Variants in MAN1C1 observed in about 807,000 individuals in gnomAD.
MAN1C1 encodes the protein mannosyl-oligosaccharide 1,2-alpha-mannosidase IC.
MAN1C1 carries 49 observed loss-of-function variants against 71.5 expected under a neutral mutation model. The ratio of observed to expected loss-of-function variants is 0.69; its 90% CI spans 0.54 to 0.87. The LOEUF (loss-of-function observed/expected upper bound fraction) is 0.87. Ranked by LOEUF, MAN1C1 falls within the 40% of genes least tolerant of loss-of-function variation. The pLI, the probability that MAN1C1 is intolerant of heterozygous loss-of-function variation, is 0.00. For missense variants in MAN1C1, 743 were observed against 835.0 expected, an observed-to-expected ratio of 0.89 and a Z score of 1.36; for synonymous variants, 352 against 343.7, an observed-to-expected ratio of 1.02 and a Z score of -0.27.
rs181786397 is a variant in MAN1C1, at chr1:25,734,163, C to T, written c.638-12505C>T. Among the ~76,000 whole-genome samples the T allele has an allele frequency of 1.2e-3, 184 of 152,246 alleles. 2 individuals are homozygous for T. The highest frequency in any genetic ancestry group is 4.4e-3 in the African/African-American group (182 of 41,538). On this transcript the variant is annotated intron_variant, in intron 2 of 11. Transcript: ENST00000374332. ...TTTATTTTTGAGACAGAGTCTCTCT[C>T]TGTCACCCAGGCTGGAGTGCAGTAG...
intron 2 of MAN1C1, among the ~76,000 whole-genome samples, chr1:25,707,642 C>T (rs1459696770): frequency 6.6e-6 from 1 of 152,180 alleles, no homozygotes; most frequent in African/African-American, 2.4e-5. Context: ...ACAGGACTTA[C>T]CATTCATTCA....
Position 25,782,559 on chromosome 1 carries a change from T to C in MAN1C1, c.1651-26T>C, listed in dbSNP as rs201945469. 23 of 1,543,002 alleles carry C rather than the reference T, an allele frequency of 1.5e-5. No homozygotes were observed. Among genetic ancestry groups the C allele is most frequent in the Non-Finnish European group, 2.1e-5 (23 of 1,115,310 alleles). ...TTTCCTGTCCCGTGTTAAGGCTGTTTTCCTCCTCCTCTTCCCCTTCCTCAG... is the reference window on the plus strand; with the variant it reads ...TTTCCTGTCCCGTGTTAAGGCTGTTCTCCTCCTCCTCTTCCCCTTCCTCAG... On this transcript the variant is annotated intron_variant, in intron 10 of 11. Coordinates refer to ENST00000374332, the MANE Select transcript of MAN1C1 (RefSeq NM_020379.4). The surrounding 1 kb of genome is among the most constrained non-coding windows in gnomAD (Gnocchi z 4.4).
At chr1:25,751,830 G>A (rs2047220485) in intron 4 of MAN1C1, among the ~76,000 whole-genome samples, 1 of 152,156 alleles carries the variant, frequency 6.6e-6, no homozygotes, top group Admixed American at 6.5e-5. Flanking sequence ...CTGACCCTGT[G>A]GCCTTTGTGC....
intron 10 of MAN1C1, among the ~76,000 whole-genome samples, chr1:25,781,928 C>T (rs1401182368): frequency 6.6e-6 from 1 of 152,122 alleles, no homozygotes; most frequent in Non-Finnish European, 1.5e-5. Flanking sequence ...CAGAAAAATA[C>T]AAAAATTATC....
At chr1:25,719,197 C>T (rs547314749) in intron 2 of MAN1C1, among the ~76,000 whole-genome samples, 23 of 149,444 alleles carry the variant, frequency 1.5e-4, no homozygotes, top group African/African-American at 4.9e-4. Context: ...CTCAGCCTCC[C>T]GAGTAGCTGG....
chr1:25,658,291 C>T (rs2045797163), intron 1 of MAN1C1, among the ~76,000 whole-genome samples: 1 of 152,174 alleles, frequency 6.6e-6, no homozygotes. Flanking sequence ...GGTTGTGAAC[C>T]TGGAGCCAGG....
At chr1:25,685,200 C>G (rs2046212966) in intron 1 of MAN1C1, among the ~76,000 whole-genome samples, 1 of 152,226 alleles carries the variant, frequency 6.6e-6, no homozygotes, top group African/African-American at 2.4e-5. Flanking sequence ...GGTGGCAAGG[C>G]CTGCCTTGTC....
intron 1 of MAN1C1, among the ~76,000 whole-genome samples, chr1:25,675,200 T>C: frequency 6.6e-6 from 1 of 152,142 alleles, no homozygotes; most frequent in East Asian, 1.9e-4. Context: ...GTTTATACTG[T>C]ACCCAATATG....
At chr1:25,679,859 CTTTTTCTTT>C (rs1284183052) in intron 1 of MAN1C1, among the ~76,000 whole-genome samples, 2 of 128,068 alleles carry the variant, frequency 1.6e-5, no homozygotes, top group South Asian at 2.3e-4. Flanking sequence ...TGACATTTTT[CTTTTTCTTT>C]TTTTTCTTTT....
intron 1 of MAN1C1, among the ~76,000 whole-genome samples, chr1:25,620,094 C>A (rs1165239923): frequency 6.6e-6 from 1 of 152,214 alleles, no homozygotes; most frequent in South Asian, 2.1e-4. Context: ...GAACTTGATT[C>A]TCCCTCTCTG....
chr1:25,654,559 T>G (rs1428553021), intron 1 of MAN1C1, among the ~76,000 whole-genome samples: 1 of 152,216 alleles, frequency 6.6e-6, no homozygotes, highest in Non-Finnish European at 1.5e-5. Context: ...TGCTTTTACT[T>G]TAATCTGTGT....
At chr1:25,728,263 G>A (rs981220834) in intron 2 of MAN1C1, among the ~76,000 whole-genome samples, 27 of 152,244 alleles carry the variant, frequency 1.8e-4, no homozygotes, top group African/African-American at 4.1e-4. Flanking sequence ...GGGACTGGCC[G>A]GAGTCCCCTC....
chr1:25,617,285 GC>G lies in MAN1C1; in HGVS notation c.-507del, dbSNP rs1299722416. Among the ~76,000 whole-genome samples, 1 of 151,740 alleles carries G rather than the reference GC, an allele frequency of 6.6e-6. No homozygotes were observed. The highest frequency in any genetic ancestry group is 2.4e-5 in the African/African-American group (1 of 41,360). ...CGCTCGGGGCGGCGCTGACACGCCA[GC>G]CCCCCATCGCCTCGGTCCCCTCCGG... On this transcript the variant is annotated 5_prime_UTR_variant, in exon 1 of 12. Coordinates refer to ENST00000374332, the MANE Select transcript of MAN1C1 (RefSeq NM_020379.4). This position sits in a 1 kb window ranked among gnomAD's most constrained non-coding sequence, Gnocchi z 5.1.
intron 1 of MAN1C1, among the ~76,000 whole-genome samples, chr1:25,644,045 T>A (rs1379730048): frequency 1.3e-5 from 2 of 152,192 alleles, no homozygotes; most frequent in Non-Finnish European, 2.9e-5. Flanking sequence ...GTTCTTACTG[T>A]GTGCCAGGCA....
At chr1:25,630,159 A>G (rs1277445871) in intron 1 of MAN1C1, among the ~76,000 whole-genome samples, 3 of 151,996 alleles carry the variant, frequency 2.0e-5, no homozygotes, top group Non-Finnish European at 4.4e-5. Flanking sequence ...CCTTTACCCT[A>G]TTTAAAAAAT....
intron 2 of MAN1C1, among the ~76,000 whole-genome samples, chr1:25,712,486 G>C (rs1034123445): frequency 2.0e-5 from 3 of 152,198 alleles, no homozygotes; most frequent in African/African-American, 7.2e-5. Flanking sequence ...GCGGCTTCCT[G>C]GGAGAAGGGG....
Position 25,616,883 on chromosome 1 carries a change from G to A in MAN1C1, c.-915G>A, listed in dbSNP as rs2045104299. Among the ~76,000 whole-genome samples, 1 of 148,682 alleles carries A rather than the reference G, an allele frequency of 6.7e-6. No homozygotes were observed. The highest frequency in any genetic ancestry group is 1.5e-5 in the Non-Finnish European group (1 of 66,446). On this transcript the variant is annotated 5_prime_UTR_variant, in exon 1 of 12. Transcript: ENST00000374332. The surrounding 1 kb of genome is among the most constrained non-coding windows in gnomAD (Gnocchi z 5.6). ...GTGGGGCGCAGGCTCGGCGGCAGCG[G>A]CCGGTCTGGAGCGGCCGCTGCGAGG... is the stretch of plus-strand genomic sequence containing the variant.
intron 1 of MAN1C1, among the ~76,000 whole-genome samples, chr1:25,674,756 G>A (rs918810261): frequency 4.9e-5 from 4 of 81,840 alleles, no homozygotes; most frequent in Non-Finnish European, 7.1e-5. Flanking sequence ...GACTGAAGGC[G>A]TGAGTGGGTG....
Position 25,618,276 on chromosome 1 carries a change from G to A in MAN1C1, c.479G>A (p.Arg160Lys). ...CTCCGCCACCCGGTCCTGGGAACGAGGGCCGATGAGAGTCAGGAGCCCCAG... is the reference window on the plus strand; with the variant it reads ...CTCCGCCACCCGGTCCTGGGAACGAAGGCCGATGAGAGTCAGGAGCCCCAG... ...SRLRHPVLGT[R>K]ADESQEPQSQ... Residue 160 changes from arginine (R) to lysine (K), a missense_variant, in exon 1 of 12, where the codon AGG (arginine) becomes AAG (lysine). Arg to Lys is a conservative substitution (Grantham distance 26). Transcript: ENST00000374332. 1.2e-6 allele frequency: 2 copies of A among 1,604,438 alleles called. No homozygotes were observed. The highest frequency in any genetic ancestry group is 1.1e-5 in the South Asian group (1 of 89,074).
Sources: gnomAD v4.1 joint callset for allele counts (sites outside exome capture counted in the v4.1 genomes callset) on GRCh38, gnomAD v4.1.1 for gene constraint, Gnocchi (gnomAD v3.1) non-coding constraint, MANE v1.5 for transcripts, NCBI Gene and HGNC (gene_info 2026-07-23, HGNC 2026-07-21) for gene names.